ECE1: variants seen among roughly 807,000 people sequenced by gnomAD.
ECE1 encodes the protein endothelin converting enzyme 1.
In ECE1, 35 loss-of-function variants were observed where a neutral mutation model predicts 98.6. The observed-to-expected ratio is 0.35, with a 90% confidence interval of 0.27 to 0.47. The LOEUF (loss-of-function observed/expected upper bound fraction) is 0.47. Among genes scored for constraint, ECE1 ranks in the 20% least tolerant of loss-of-function variants. ECE1 has a pLI of 1.00. For synonymous variants in ECE1, 394 were observed against 407.1 expected, an observed-to-expected ratio of 0.97 and a Z score of 0.39; for missense variants, 814 against 1,025.3, an observed-to-expected ratio of 0.79 and a Z score of 2.81.
At position 21,290,308 on chromosome 1, in the gene ECE1, C is replaced by T. The variant is rs1452180657; in HGVS notation, c.51+56G>A. 2 of 1,237,028 alleles carry T rather than the reference C, an allele frequency of 1.6e-6. No homozygotes were observed. The highest frequency in any genetic ancestry group is 2.0e-6 in the Non-Finnish European group (2 of 993,342). 76.6% of individuals were successfully genotyped at this position (1,237,028 alleles called of 1,614,324 possible). A position where few individuals can be genotyped will look rare whatever the true frequency, so the allele number is the denominator to read the frequency against. The stretch of plus-strand genomic sequence containing the variant: ...AGACCGGCCCACGGAGCGGCCCGCG[C>T]GGGGAGGGGTCCCGCCCGCCTCCCG... On this transcript the variant is annotated intron_variant, in intron 1 of 18. Transcript: ENST00000374893. This position sits in a 1 kb window ranked among gnomAD's most constrained non-coding sequence, Gnocchi z 7.3.
intron 1 of ECE1, among the ~76,000 whole-genome samples, chr1:21,328,984 G>A (rs1284337565): frequency 6.6e-6 from 1 of 152,036 alleles, no homozygotes; most frequent in African/African-American, 2.4e-5. Context: ...CATCATGACT[G>A]CTGCGAATCT....
At chr1:21,229,804 C>T (rs1461789384) in intron 14 of ECE1, among the ~76,000 whole-genome samples, 2 of 152,110 alleles carry the variant, frequency 1.3e-5, no homozygotes, top group Non-Finnish European at 2.9e-5. Flanking sequence ...CATGATGTTA[C>T]AAAATCACGC....
chr1:21,239,936 C>G (rs1413429550), intron 10 of ECE1, among the ~76,000 whole-genome samples: 2 of 151,680 alleles, frequency 1.3e-5, no homozygotes, highest in Non-Finnish European at 2.9e-5. Flanking sequence ...TTCGGGAGGC[C>G]GAGGCAAGTG....
Position 21,225,490 on chromosome 1 carries a change from G to A in ECE1, c.1850-50C>T. 1 of 1,594,008 alleles carries A rather than the reference G, an allele frequency of 6.3e-7. No individual in the cohort carries two copies. The highest frequency in any genetic ancestry group is 1.1e-5 in the South Asian group (1 of 89,366). On this transcript the variant is annotated intron_variant, in intron 16 of 18. Transcript: ENST00000374893. This position sits in a 1 kb window ranked among gnomAD's most constrained non-coding sequence, Gnocchi z 5.3. ...GTCAAGGGAGGGAGGGGCACAGCAGGGACCTGCTGCTCCTCCCTGCTCCTG... is the reference window on the plus strand; with the variant it reads ...GTCAAGGGAGGGAGGGGCACAGCAGAGACCTGCTGCTCCTCCCTGCTCCTG...
At chr1:21,288,253 C>G (rs2098262779) in intron 2 of ECE1, among the ~76,000 whole-genome samples, 1 of 152,228 alleles carries the variant, frequency 6.6e-6, no homozygotes, top group African/African-American at 2.4e-5. Context: ...ATGTCTCTAA[C>G]CTCTCTTTGT....
chr1:21,309,788 T>C (rs1185027841), intron 1 of ECE1, among the ~76,000 whole-genome samples: 2 of 150,726 alleles, frequency 1.3e-5, no homozygotes, highest in African/African-American at 2.4e-5. Flanking sequence ...CTTTCTTTTT[T>C]TTTTTTTTTT....
intron 2 of ECE1, among the ~76,000 whole-genome samples, chr1:21,282,661 A>C (rs1359741350): frequency 2.0e-5 from 3 of 151,824 alleles, no homozygotes; most frequent in Non-Finnish European, 4.4e-5. Context: ...CCAGGGAGCC[A>C]AAGGATGCAG....
chr1:21,311,561 T>C (rs1361384512), intron 1 of ECE1, among the ~76,000 whole-genome samples: 2 of 145,498 alleles, frequency 1.4e-5, no homozygotes, highest in Non-Finnish European at 3.0e-5. Context: ...ATGCCTGCAA[T>C]CCCAGCACTT....
chr1:21,248,055 A>G (rs1481460512), intron 8 of ECE1, among the ~76,000 whole-genome samples: 1 of 152,232 alleles, frequency 6.6e-6, no homozygotes, highest in Non-Finnish European at 1.5e-5. Flanking sequence ...TCTGAGCTGC[A>G]TTGGTCCGAA....
At chr1:21,279,500 A>G in intron 2 of ECE1, 168 bp from the exon 3 acceptor site, 1 of 1,490,072 alleles carries the variant, frequency 6.7e-7, no homozygotes, top group East Asian at 2.5e-5. Flanking sequence ...CAGGAAAGGA[A>G]CAGCCACCCT....
At chr1:21,227,358 G>A in intron 15 of ECE1, 132 bp from the exon 16 acceptor site, 1 of 925,356 alleles carries the variant, frequency 1.1e-6, no homozygotes, top group Admixed American at 1.9e-5. Flanking sequence ...GTGGATAAGG[G>A]TGTGGTCATG....
chr1:21,253,706 A>G, intron 8 of ECE1, among the ~76,000 whole-genome samples: 1 of 146,004 alleles, frequency 6.8e-6, no homozygotes, highest in Non-Finnish European at 1.5e-5. Context: ...GAGCTTGCAG[A>G]GAGCCGAGAT....
At chr1:21,280,351 G>A (rs1441427756) in intron 2 of ECE1, among the ~76,000 whole-genome samples, 1 of 152,198 alleles carries the variant, frequency 6.6e-6, no homozygotes, top group African/African-American at 2.4e-5. Flanking sequence ...CAGCCCAGCA[G>A]GGAGGCAGAT....
intron 1 of ECE1, among the ~76,000 whole-genome samples, chr1:21,323,919 A>C (rs1182885969): frequency 2.0e-5 from 3 of 151,586 alleles, no homozygotes; most frequent in Non-Finnish European, 4.4e-5. Context: ...CCGGGTTTCA[A>C]GCTATTTTCC....
chr1:21,229,651 T>TGTGGTTTGACACCACAAGTTTGAC (rs2098179213), intron 14 of ECE1, among the ~76,000 whole-genome samples: 1 of 152,192 alleles, frequency 6.6e-6, no homozygotes, highest in Non-Finnish European at 1.5e-5. Context: ...TTTGACACCT[T>TGTGGTTTGACACCACAAGTTTGAC]ACCAATAATA....
intron 10 of ECE1, among the ~76,000 whole-genome samples, chr1:21,241,939 A>C (rs1282514773): frequency 6.6e-6 from 1 of 152,184 alleles, no homozygotes; most frequent in East Asian, 1.9e-4. Context: ...GCAGCCAGGC[A>C]GCCTCCTCCA....
rs141882940 is a variant in ECE1 at position 21,305,858 on chromosome 1, G to A, written c.4-15702C>T. On this transcript the variant is annotated intron_variant, in intron 1 of 18. Coordinates refer to the ECE1 transcript ENST00000415912. ...CCACAAATACCGCTGTGGTCATGGTGGCAGGACAGGGAGCCACCTCGATCC... is the reference window on the plus strand; with the variant it reads ...CCACAAATACCGCTGTGGTCATGGTAGCAGGACAGGGAGCCACCTCGATCC... Among the ~76,000 whole-genome samples, 666 of 152,320 alleles carry A rather than the reference G, an allele frequency of 4.4e-3. 7 individuals are homozygous for A. The highest frequency in any genetic ancestry group is 0.038 in the South Asian group (185 of 4,828).
Position 21,260,220 on chromosome 1 carries a change from G to C in ECE1, c.615+51C>G. ...AAGGCTGGAGTGGAAGCCAGGGGGC[G>C]GGCAGGTGGCATGGGCCGGGGCTTG... is the stretch of plus-strand genomic sequence containing the variant. On this transcript the variant is annotated intron_variant, in intron 5 of 18. Transcript: ENST00000374893. This position sits in a 1 kb window ranked among gnomAD's most constrained non-coding sequence, Gnocchi z 4.3. 1 of 1,613,680 alleles carries C rather than the reference G, an allele frequency of 6.2e-7. No individual in the cohort carries two copies. Among genetic ancestry groups the C allele is most frequent in the Non-Finnish European group, 8.5e-7 (1 of 1,179,692 alleles).
intron 2 of ECE1, among the ~76,000 whole-genome samples, chr1:21,286,161 C>CA (rs1225486190): frequency 1.3e-5 from 2 of 152,116 alleles, no homozygotes; most frequent in African/African-American, 4.8e-5. Flanking sequence ...TAGACATGGC[C>CA]ATCTGCTCCT....
Sources: gnomAD v4.1 joint callset for allele counts (sites outside exome capture counted in the v4.1 genomes callset) on GRCh38, gnomAD v4.1.1 for gene constraint, Gnocchi (gnomAD v3.1) non-coding constraint, MANE v1.5 for transcripts, NCBI Gene and HGNC (gene_info 2026-07-23, HGNC 2026-07-21) for gene names.